The following BAZ1A variants were observed in gnomAD, a reference collection of about 807,000 sequenced individuals.
The protein encoded by BAZ1A is bromodomain adjacent to zinc finger domain 1A.
A neutral mutation model predicts 185.2 loss-of-function variants in BAZ1A; 50 were observed. That is an observed-to-expected ratio of 0.27 (90% confidence interval 0.22 to 0.34). BAZ1A has a LOEUF of 0.34. Ranked by LOEUF, BAZ1A falls within the 10% of genes least tolerant of loss-of-function variation. BAZ1A has a pLI of 1.00. For missense variants in BAZ1A, 1,356 were observed against 1,839.9 expected (o/e 0.74, Z 4.81); for synonymous variants, 571 against 615.6 (o/e 0.93, Z 1.07).
intron 16 of BAZ1A, among the ~76,000 whole-genome samples, chr14:34,780,704 G>A (rs1285231666): frequency 6.6e-6 from 1 of 152,218 alleles, no homozygotes; most frequent in Non-Finnish European, 1.5e-5. Context: ...TGAGAAAAGT[G>A]TAAAGGAGAA....
At chr14:34,787,363 A>AAAGAAAAG (rs1555339667) in intron 12 of BAZ1A, among the ~76,000 whole-genome samples, 2 of 112,798 alleles carry the variant, frequency 1.8e-5, no homozygotes, top group Admixed American at 1.1e-4. Flanking sequence ...AAAAAAAAAA[A>AAAGAAAAG]AAAAAGAAAA....
At position 34,874,901 on chromosome 14, in the gene BAZ1A, G is replaced by A; in HGVS notation, c.-59+237C>T. 1 of 193,028 alleles carries A rather than the reference G, an allele frequency of 5.2e-6. No homozygotes were observed. The highest frequency in any genetic ancestry group is 1.0e-5 in the Non-Finnish European group (1 of 95,314). The allele number at this position is 193,028 out of a possible 1,614,324, so 12.0% of individuals were successfully genotyped here. On this transcript the variant is annotated intron_variant, in intron 1 of 26. Coordinates refer to ENST00000360310, the MANE Select transcript of BAZ1A (RefSeq NM_013448.3). The surrounding 1 kb of genome is among the most constrained non-coding windows in gnomAD (Gnocchi z 4.7). ...CGTCCTGCCGCCGCCTCACAATGGGGCAGGACGCCCCGCCGCGGGGGGCAG... is the reference window on the plus strand; with the variant it reads ...CGTCCTGCCGCCGCCTCACAATGGGACAGGACGCCCCGCCGCGGGGGGCAG...
intron 9 of BAZ1A, among the ~76,000 whole-genome samples, chr14:34,796,767 A>G (rs984544668): frequency 2.6e-5 from 4 of 152,212 alleles, no homozygotes; most frequent in African/African-American, 9.6e-5. Flanking sequence ...ACAGATGTGC[A>G]CTTATCAAAT....
In BAZ1A at chr14:34,758,831, G is replaced by A; in HGVS notation, c.4259C>T (p.Thr1420Ile). 6.2e-7 allele frequency: 1 copy of A among 1,613,924 alleles called. No individual in the cohort carries two copies. The highest frequency in any genetic ancestry group is 8.5e-7 in the Non-Finnish European group (1 of 1,179,980). ...KRQSPEPSPV[T>I]LGRRSSGRQG... ...TCGGCCAGAACTCCTTCGACCCAGT[G>A]TCACAGGCGATGGCTCTGAGTAAAT... The change falls in exon 25 of 27, where the codon ACA (threonine) becomes ATA (isoleucine). Residue 1420 changes from threonine (T) to isoleucine (I), a missense_variant. By Grantham distance (89) the Thr-to-Ile change is moderately conservative. This residue lies in a region of BAZ1A where 309 missense variants were observed against 355.3 expected (regional missense o/e 0.87). Transcript: ENST00000360310.
At chr14:34,769,764 A>G (rs8004518) in intron 21 of BAZ1A, among the ~76,000 whole-genome samples, 77,600 of 151,992 alleles carry the variant, frequency 0.51, 19,992 homozygotes, top group South Asian at 0.59. Flanking sequence ...AAATAATTTT[A>G]AATTGAAATT....
chr14:34,863,749 T>C (rs952219102), intron 2 of BAZ1A, among the ~76,000 whole-genome samples: 11 of 152,194 alleles, frequency 7.2e-5, no homozygotes, highest in African/African-American at 2.7e-4. Flanking sequence ...TACTTATATA[T>C]ATACTGTAAA....
At chr14:34,801,236 G>A (rs1173963978) in intron 7 of BAZ1A, 43 bp from the exon 8 acceptor site, 8 of 1,387,884 alleles carry the variant, frequency 5.8e-6, no homozygotes, top group African/African-American at 1.5e-5. Flanking sequence ...CTTATAGTAA[G>A]AATAAAAAGC....
Position 34,771,650 on chromosome 14 carries a change from C to A in BAZ1A, c.3162G>T (p.Gly1054=). Residue 1054 remains glycine (G), a synonymous_variant, in exon 21 of 27, where the codon GGG becomes GGT. Transcript: ENST00000360310. ...CAGTACTTGGAGTTTCTGTTTTTAT[C>A]CCCAAAAGTCTACAATTAAAACAAT... is the stretch of plus-strand genomic sequence containing the variant. ...TKVIVKDRLL[G]IKTETPSTVS... 1 of 1,611,478 alleles carries A rather than the reference C, an allele frequency of 6.2e-7. No individual in the cohort carries two copies. Among genetic ancestry groups the A allele is most frequent in the South Asian group, 1.1e-5 (1 of 90,160 alleles).
intron 25 of BAZ1A, among the ~76,000 whole-genome samples, chr14:34,758,042 C>T (rs1201413034): frequency 6.7e-6 from 1 of 149,030 alleles, no homozygotes; most frequent in African/African-American, 2.5e-5. Flanking sequence ...CCACAGCGCC[C>T]GGCCAACCCT....
intron 19 of BAZ1A, 55 bp downstream of exon 19, chr14:34,774,271 AC>A: frequency 6.8e-7 from 1 of 1,472,912 alleles, no homozygotes; most frequent in Non-Finnish European, 9.1e-7. Flanking sequence ...AACAAATATG[AC>A]CAAAATTCTG....
chr14:34,760,007 C>G (rs1402711922), intron 24 of BAZ1A, among the ~76,000 whole-genome samples: 1 of 151,908 alleles, frequency 6.6e-6, no homozygotes, highest in Middle Eastern at 3.2e-3. Context: ...AGATAATGTT[C>G]GAAAAGCAAA....
chr14:34,776,861 A>G (rs1879656214), intron 17 of BAZ1A, among the ~76,000 whole-genome samples: 1 of 152,020 alleles, frequency 6.6e-6, no homozygotes, highest in East Asian at 1.9e-4. Context: ...TCAGACACCA[A>G]CCCTGCTTGA....
intron 17 of BAZ1A, among the ~76,000 whole-genome samples, chr14:34,777,452 T>C (rs757546336): frequency 2.0e-5 from 3 of 152,088 alleles, no homozygotes; most frequent in Non-Finnish European, 4.4e-5. Context: ...TTAACCAGCC[T>C]GGCCAACATG....
intron 3 of BAZ1A, among the ~76,000 whole-genome samples, chr14:34,850,148 G>A (rs923750448): frequency 2.6e-5 from 4 of 152,088 alleles, no homozygotes; most frequent in Non-Finnish European, 5.9e-5. Flanking sequence ...GGGAGGCCGA[G>A]GCTGGCACTG....
intron 3 of BAZ1A, among the ~76,000 whole-genome samples, chr14:34,856,260 G>A (rs2042675306): frequency 6.7e-6 from 1 of 150,032 alleles, no homozygotes; most frequent in African/African-American, 2.4e-5. Context: ...CTGCATGTTT[G>A]TCTCTCTCTT....
At chr14:34,786,023 T>C in intron 13 of BAZ1A, 22 bp from the exon 14 acceptor site, 1 of 1,604,920 alleles carries the variant, frequency 6.2e-7, no homozygotes. Context: ...AAAAATGAAA[T>C]AGTCATTTAG....
intron 4 of BAZ1A, among the ~76,000 whole-genome samples, chr14:34,814,039 T>C (rs1006535685): frequency 8.4e-6 from 1 of 118,516 alleles, no homozygotes; most frequent in African/African-American, 2.8e-5. Context: ...CAAGAGTCTG[T>C]ATCAAAAAAA....
chr14:34,799,499 T>C (rs907858513), intron 9 of BAZ1A, among the ~76,000 whole-genome samples: 46 of 152,198 alleles, frequency 3.0e-4, no homozygotes, highest in Non-Finnish European at 1.8e-4. Context: ...TGGCTGACTT[T>C]GGAGGAAACC....
intron 11 of BAZ1A, 58 bp downstream of exon 11, chr14:34,794,691 T>TA: frequency 1.3e-6 from 2 of 1,548,340 alleles, no homozygotes; most frequent in Non-Finnish European, 1.8e-6. Context: ...CTTGTTTTTT[T>TA]AAAGCCACTA....
Sources: allele counts gnomAD v4.1 joint callset (sites outside exome capture counted in the v4.1 genomes callset), GRCh38; gene constraint gnomAD v4.1.1; regional missense constraint gnomAD v4.1.1; non-coding constraint Gnocchi (gnomAD v3.1); transcripts MANE v1.5; gene names NCBI Gene and HGNC (gene_info 2026-07-23, HGNC 2026-07-21).